ANKRD36: variants seen among roughly 807,000 people sequenced by gnomAD.
The protein encoded by ANKRD36 is ankyrin repeat domain-containing protein 36A.
Under a neutral mutation model 278.1 loss-of-function variants are expected in ANKRD36, and 179 were observed. The observed-to-expected ratio is 0.64, with a 90% CI of 0.57 to 0.73. The LOEUF is 0.73. Ranked by LOEUF, ANKRD36 falls within the 30% of genes least tolerant of loss-of-function variation. The pLI, the probability that ANKRD36 is intolerant of heterozygous loss-of-function variation, is 0.00. For missense variants in ANKRD36, 1,159 were observed against 1,956.7 expected (o/e 0.59, Z 7.69); for synonymous variants, 320 against 641.1 (o/e 0.50, Z 7.57).
intron 66 of ANKRD36, among the ~76,000 whole-genome samples, chr2:97,221,776 A>C (rs1319817045): frequency 6.8e-6 from 1 of 147,838 alleles, no homozygotes; most frequent in East Asian, 2.1e-4. Context: ...GAAGCTCTTT[A>C]GTTTAATTAG....
intron 20 of ANKRD36, among the ~76,000 whole-genome samples, chr2:97,166,837 A>T (rs1174523098): frequency 3.6e-4 from 54 of 149,356 alleles, no homozygotes; most frequent in African/African-American, 4.4e-4. Flanking sequence ...CTGTGGAAGC[A>T]AAACAATCAA....
intron 1 of ANKRD36, among the ~76,000 whole-genome samples, chr2:97,115,931 T>A (rs1449552230): frequency 1.3e-5 from 2 of 150,922 alleles, no homozygotes; most frequent in Non-Finnish European, 3.0e-5. Context: ...TTTCAGTGCA[T>A]CCATAGGATG....
In ANKRD36 at chr2:97,149,262, A is replaced by T. The variant is rs770670096; in HGVS notation, c.1035-33A>T. Reference sequence around the variant, plus strand: ...TTTGTTTTCTTTTAAGAAATGAATGAGCTCATTTTTGTAATATCTTTTTGC... The same window carrying T: ...TTTGTTTTCTTTTAAGAAATGAATGTGCTCATTTTTGTAATATCTTTTTGC... On this transcript the variant is annotated intron_variant, in intron 11 of 75. Coordinates refer to ENST00000420699, the MANE Select transcript of ANKRD36 (RefSeq NM_001354587.1). 2.8e-5 allele frequency: 42 copies of T among 1,508,858 alleles called. No homozygotes were observed. In the African/African-American group the frequency reaches 4.8e-4, roughly 17 times the overall value. 93.5% of individuals were successfully genotyped at this position (1,508,858 alleles called of 1,614,324 possible). A position where few individuals can be genotyped will look rare whatever the true frequency, so the allele number is the denominator to read the frequency against.
intron 27 of ANKRD36, 22 bp from the exon 28 acceptor site, chr2:97,183,560 T>C (rs746878324): frequency 5.2e-6 from 8 of 1,552,784 alleles, no homozygotes; most frequent in Non-Finnish European, 7.0e-6. Context: ...ATATTGACTA[T>C]TTTGTTTCTC....
At chr2:97,154,398 C>T (rs1434739149) in intron 14 of ANKRD36, among the ~76,000 whole-genome samples, 1 of 148,250 alleles carries the variant, frequency 6.7e-6, no homozygotes, top group African/African-American at 2.4e-5. Context: ...ATTATAATGC[C>T]TGTCACTATT....
intron 5 of ANKRD36, among the ~76,000 whole-genome samples, chr2:97,125,449 C>A (rs1016352634): frequency 1.6e-4 from 23 of 144,412 alleles, no homozygotes; most frequent in Non-Finnish European, 2.9e-4. Flanking sequence ...GGCTTCTAGA[C>A]CTTCATGGTG....
rs2153561714 is a variant in ANKRD36, at chr2:97,189,287, A to G, written c.2242A>G (p.Thr748Ala). 1 of 755,852 alleles carries G rather than the reference A, an allele frequency of 1.3e-6. No individual in the cohort carries two copies. The highest frequency in any genetic ancestry group is 1.4e-5 in the African/African-American group (1 of 70,222). 46.8% of individuals were successfully genotyped at this position (755,852 alleles called of 1,614,324 possible). The change falls in exon 34 of 76, where the codon ACA (threonine) becomes GCA (alanine). Residue 748 changes from threonine (T) to alanine (A), a missense_variant. Transcript: ENST00000420699. ...AATAAAGGATGGAGAAAAATCTGGG[A>G]CAGGTAATTTTGCAAAACACATTCA... ...TEIKDGEKSG[T>A]VSSQKQPALK...
At chr2:97,151,703 T>G (rs1574982537) in intron 12 of ANKRD36, among the ~76,000 whole-genome samples, 176 bp from the exon 13 acceptor site, 1 of 152,308 alleles carries the variant, frequency 6.6e-6, no homozygotes, top group East Asian at 1.9e-4. Flanking sequence ...TCACCAATCA[T>G]AACCATCACC....
At position 97,206,081 on chromosome 2, in the gene ANKRD36, G is replaced by T. The variant is rs1312396534; in HGVS notation, c.3109G>T (p.Asp1037Tyr). Residue 1037 changes from aspartate to tyrosine, a missense_variant, in exon 52 of 76, where the codon GAT becomes TAT. Transcript: ENST00000420699. The part of the protein sequence containing the change: ...PTLKATSDEE[D>Y]SVLSIARENK... ...CATTCAGGCTACAAGTGATGAGGAA[G>T]ATTCTGTTTTGAGTATAGCCAGAGA... is the stretch of plus-strand genomic sequence containing the variant. 1 of 1,551,212 alleles carries T rather than the reference G, an allele frequency of 6.4e-7. No individual in the cohort carries two copies. Among genetic ancestry groups the T allele is most frequent in the South Asian group, 1.2e-5 (1 of 84,344 alleles).
In ANKRD36 at chr2:97,204,063, T is replaced by G. The variant is rs1293385007; in HGVS notation, c.2960-5T>G. On this transcript the variant is annotated splice_region_variant and splice_polypyrimidine_tract_variant and intron_variant, in intron 48 of 75. Transcript: ENST00000420699. ...GAGTGATTAGGAATCCCTTTTACTT[T>G]TCAGTGTCTTCTGAGAAACCACCAG... 6.4e-7 allele frequency: 1 copy of G among 1,568,784 alleles called. No homozygotes were observed. Among genetic ancestry groups the G allele is most frequent in the Admixed American group, 1.9e-5 (1 of 53,104 alleles).
In ANKRD36 at chr2:97,201,344, A is replaced by G. The variant is rs550820916; in HGVS notation, c.2857+819A>G. On this transcript the variant is annotated intron_variant, in intron 46 of 75. Transcript: ENST00000420699. ...TATAGAAAATAACATGATACTGCCT[A>G]CAAGGGTATTCTAGAAACAAAAATT... 9.2e-5 allele frequency among the ~76,000 whole-genome samples: 14 copies of G among 152,022 alleles called. No homozygotes were observed. In the East Asian group the frequency reaches 2.3e-3, roughly 25 times the overall value.
chr2:97,154,381 C>T (rs1217274267), intron 14 of ANKRD36, among the ~76,000 whole-genome samples: 1 of 148,488 alleles, frequency 6.7e-6, no homozygotes, highest in Non-Finnish European at 1.5e-5. Context: ...TATTGTCTGG[C>T]TGTGCCATTA....
intron 5 of ANKRD36, among the ~76,000 whole-genome samples, chr2:97,125,604 T>A (rs1031542229): frequency 1.3e-5 from 2 of 151,406 alleles, no homozygotes; most frequent in South Asian, 4.2e-4. Flanking sequence ...CCTGAGACTT[T>A]TTATATAAAC....
intron 44 of ANKRD36, among the ~76,000 whole-genome samples, chr2:97,199,609 T>C (rs1213749336): frequency 1.3e-5 from 2 of 151,930 alleles, no homozygotes; most frequent in African/African-American, 2.4e-5. Flanking sequence ...TTTTACCTTG[T>C]AGAAGTATGT....
chr2:97,190,922 G>A, intron 34 of ANKRD36, 56 bp from the exon 35 acceptor site: 1 of 1,589,044 alleles, frequency 6.3e-7, no homozygotes, highest in Non-Finnish European at 8.6e-7. Context: ...GTGAATGTAT[G>A]GATAACTTTA....
chr2:97,189,712 G>A lies in ANKRD36; in HGVS notation c.2245+422G>A, dbSNP rs2058111024. Among the ~76,000 whole-genome samples, 14 of 80,798 alleles carry A rather than the reference G, an allele frequency of 1.7e-4. 2 individuals are homozygous for A. In the South Asian group the frequency reaches 4.1e-3, roughly 24 times the overall value. 53.0% of individuals were successfully genotyped at this position (80,798 alleles called of 152,430 possible). On this transcript the variant is annotated intron_variant, in intron 34 of 75. Transcript: ENST00000420699. ...TAATAACCCATAGACACTGTAGAAC[G>A]AGAACTAAGGAGACCCCTGATGTAG...
rs776706830 is a variant in ANKRD36 at position 97,211,535 on chromosome 2, T to C, written c.3368-11T>C. The C allele has an allele frequency of 8.7e-6, 14 of 1,605,050 alleles. No individual in the cohort carries two copies. The East Asian group carries it at 3.0e-4, about 34-fold the overall frequency. Reference sequence around the variant, plus strand: ...ACATATGAGTGATTATGTATCCCTTTTGCTTTTCAGTGTCTTCTCCGAAAC... The same window carrying C: ...ACATATGAGTGATTATGTATCCCTTCTGCTTTTCAGTGTCTTCTCCGAAAC... On this transcript the variant is annotated splice_polypyrimidine_tract_variant and intron_variant, in intron 56 of 75. Transcript: ENST00000420699.
chr2:97,191,128 A>T lies in ANKRD36; in HGVS notation c.2294A>T (p.Asp765Val). ...ATTCAGGCTACAACTGATGAGAAAG[A>T]TTCTGTTTCGAACATAGCCACAGAA... is the stretch of plus-strand genomic sequence containing the variant. ...PALKATTDEKDSVSNIATEIK... is the reference protein window; with the variant it reads ...PALKATTDEKVSVSNIATEIK... The change falls in exon 36 of 76, where the codon GAT becomes GTT. Residue 765 changes from aspartate to valine, a missense_variant. Coordinates refer to ENST00000420699, the MANE Select transcript of ANKRD36 (RefSeq NM_001354587.1). The T allele has an allele frequency of 5.0e-6, 8 of 1,598,746 alleles. No individual in the cohort carries two copies. The highest frequency in any genetic ancestry group is 6.8e-6 in the Non-Finnish European group (8 of 1,172,692).
At chr2:97,176,310 G>A (rs1408769211) in intron 22 of ANKRD36, among the ~76,000 whole-genome samples, 1 of 148,904 alleles carries the variant, frequency 6.7e-6, no homozygotes, top group Non-Finnish European at 1.5e-5. Flanking sequence ...GGGTGCTCCT[G>A]TATTGGGTGC....
Sources: gnomAD v4.1 joint callset for allele counts (sites outside exome capture counted in the v4.1 genomes callset) on GRCh38, gnomAD v4.1.1 for gene constraint, MANE v1.5 for transcripts, NCBI Gene and HGNC (gene_info 2026-07-23, HGNC 2026-07-21) for gene names.